SDK1: variants seen among roughly 807,000 people sequenced by gnomAD.
The protein encoded by SDK1 is protein sidekick-1.
SDK1 carries 157 observed loss-of-function variants against 245.5 expected under a neutral mutation model. That is an observed-to-expected ratio of 0.64 (90% CI 0.56 to 0.73). The LOEUF is 0.73. Ranked by LOEUF, SDK1 falls within the 30% of genes least tolerant of loss-of-function variation. SDK1 has a pLI of 0.00. For missense variants in SDK1, 3,583 were observed against 3,002.3 expected, an observed-to-expected ratio of 1.19 and a Z score of -4.52; for synonymous variants, 1,647 against 1,278.5, an observed-to-expected ratio of 1.29 and a Z score of -6.15.
At chr7:3,610,908 C>T (rs553222408) in intron 1 of SDK1, among the ~76,000 whole-genome samples, 1 of 152,222 alleles carries the variant, frequency 6.6e-6, no homozygotes, top group Admixed American at 6.5e-5. Context: ...GGACAAATTA[C>T]TTGGAGAAAA....
chr7:4,032,634 A>G (rs1390370783), intron 17 of SDK1, among the ~76,000 whole-genome samples: 4 of 152,266 alleles, frequency 2.6e-5, no homozygotes, highest in South Asian at 4.1e-4. Flanking sequence ...CTAGCAAGCT[A>G]TAAAATCAGC....
At chr7:3,972,205 G>A (rs1420104188) in intron 12 of SDK1, among the ~76,000 whole-genome samples, 3 of 150,748 alleles carry the variant, frequency 2.0e-5, no homozygotes, top group African/African-American at 4.9e-5. Context: ...TCAGCCTCCC[G>A]AGTAGCTGGG....
intron 4 of SDK1, among the ~76,000 whole-genome samples, chr7:3,699,260 G>A (rs1784671772): frequency 6.6e-6 from 1 of 152,146 alleles, no homozygotes; most frequent in Non-Finnish European, 1.5e-5. Context: ...ATCTCAACTT[G>A]AATGAGGAAA....
rs551693732 is a variant in SDK1 at position 3,521,895 on chromosome 7, T to G, written c.299-97185T>G. 2.6e-5 allele frequency among the ~76,000 whole-genome samples: 4 copies of G among 152,192 alleles called. No homozygotes were observed. In the East Asian group the frequency reaches 7.7e-4, roughly 29 times the overall value. ...TTAGTTCACCAAGATTTGAGCGAGA[T>G]AGTAATATAGGAAATAAGTGTTTCA... On this transcript the variant is annotated intron_variant, in intron 1 of 44. Coordinates refer to ENST00000404826, the MANE Select transcript of SDK1 (RefSeq NM_152744.4).
intron 1 of SDK1, among the ~76,000 whole-genome samples, chr7:3,505,336 C>A (rs1054476126): frequency 2.0e-5 from 3 of 152,008 alleles, no homozygotes; most frequent in African/African-American, 7.3e-5. Context: ...AGCCTCAAAC[C>A]CCTTGGCTCA....
intron 4 of SDK1, among the ~76,000 whole-genome samples, chr7:3,778,206 T>A (rs754932981): frequency 4.6e-5 from 7 of 152,172 alleles, no homozygotes; most frequent in African/African-American, 1.7e-4. Flanking sequence ...TTTTCCTTAT[T>A]AAGAAAGAAG....
intron 4 of SDK1, among the ~76,000 whole-genome samples, chr7:3,709,252 G>T (rs1011516601): frequency 2.0e-5 from 3 of 152,214 alleles, no homozygotes; most frequent in Non-Finnish European, 4.4e-5. Flanking sequence ...TGTTTAAGGA[G>T]CCTCAAGATA....
At chr7:3,541,355 A>G (rs1779048463) in intron 1 of SDK1, among the ~76,000 whole-genome samples, 1 of 152,240 alleles carries the variant, frequency 6.6e-6, no homozygotes, top group African/African-American at 2.4e-5. Context: ...AACTTCTTAC[A>G]TGCAGAGGAG....
chr7:3,794,993 C>T (rs547879687), intron 4 of SDK1, among the ~76,000 whole-genome samples: 3 of 152,136 alleles, frequency 2.0e-5, no homozygotes, highest in Non-Finnish European at 4.4e-5. Flanking sequence ...AGGACGAACT[C>T]TGTGCCAGGC....
chr7:3,462,621 A>G (rs938339630), intron 1 of SDK1, among the ~76,000 whole-genome samples: 9 of 152,092 alleles, frequency 5.9e-5, no homozygotes, highest in African/African-American at 1.4e-4. Context: ...AAACTTACCT[A>G]TCTACCTAGT....
intron 14 of SDK1, 55 bp downstream of exon 14, chr7:3,987,377 C>T (rs1166687295): frequency 6.4e-6 from 10 of 1,573,072 alleles, no homozygotes; most frequent in Non-Finnish European, 8.7e-6. Context: ...TTTGTGTGTG[C>T]TCTTAATGTC....
intron 28 of SDK1, among the ~76,000 whole-genome samples, chr7:4,141,484 C>A (rs1328292356): frequency 1.3e-5 from 2 of 152,192 alleles, no homozygotes; most frequent in Admixed American, 1.3e-4. Context: ...TGTAACCATG[C>A]CCTGCTCCTG....
rs546876789 is a variant in SDK1 at position 4,161,740 on chromosome 7, C to T, written c.4730-46C>T. On this transcript the variant is annotated intron_variant, in intron 31 of 44. Coordinates refer to ENST00000404826, the MANE Select transcript of SDK1 (RefSeq NM_152744.4). ...GGTGGCCCTGGGAAGGGCGGCAGAA[C>T]ATAACAACCACCCTGACCCCCGCTT... 10 of 1,531,476 alleles carry T rather than the reference C, an allele frequency of 6.5e-6. No homozygotes were observed. In the South Asian group the frequency reaches 7.8e-5, roughly 12 times the overall value. The allele number at this position is 1,531,476 out of a possible 1,614,324, so 94.9% of individuals were successfully genotyped here. A position where few individuals can be genotyped will look rare whatever the true frequency, so the allele number is the denominator to read the frequency against.
intron 22 of SDK1, among the ~76,000 whole-genome samples, chr7:4,106,090 C>G (rs1004933040): frequency 6.6e-6 from 1 of 152,098 alleles, no homozygotes; most frequent in Admixed American, 6.5e-5. Context: ...TTTTCCCAAT[C>G]CATTGATCCT....
At chr7:3,846,230 G>A (rs573727740) in intron 5 of SDK1, among the ~76,000 whole-genome samples, 1 of 152,316 alleles carries the variant, frequency 6.6e-6, no homozygotes, top group South Asian at 2.1e-4. Flanking sequence ...AAGGAAAAAT[G>A]TGCTGGCATA....
chr7:3,305,103 C>G (rs1779383166), intron 1 of SDK1, among the ~76,000 whole-genome samples: 1 of 152,176 alleles, frequency 6.6e-6, no homozygotes, highest in Non-Finnish European at 1.5e-5. Context: ...TACACCTGTT[C>G]CAGGTTCATG....
chr7:3,482,185 C>G (rs1323980148), intron 1 of SDK1, among the ~76,000 whole-genome samples: 1 of 152,142 alleles, frequency 6.6e-6, no homozygotes, highest in African/African-American at 2.4e-5. Flanking sequence ...GATCAGATAC[C>G]TTAAACTACC....
intron 4 of SDK1, among the ~76,000 whole-genome samples, chr7:3,731,036 A>G (rs182379491): frequency 7.7e-4 from 118 of 152,280 alleles, no homozygotes; most frequent in Non-Finnish European, 1.2e-3. Context: ...GCTGTGTAAC[A>G]AAACCCCTCT....
At chr7:3,812,445 C>T (rs1057401139) in intron 4 of SDK1, among the ~76,000 whole-genome samples, 4 of 152,124 alleles carry the variant, frequency 2.6e-5, no homozygotes, top group Non-Finnish European at 4.4e-5. Flanking sequence ...AACTTACCAC[C>T]GCTTGGGTCT....
Sources: gnomAD v4.1 joint callset for allele counts (sites outside exome capture counted in the v4.1 genomes callset) on GRCh38, gnomAD v4.1.1 for gene constraint, MANE v1.5 for transcripts, NCBI Gene and HGNC (gene_info 2026-07-23, HGNC 2026-07-21) for gene names.